Variants in SLC4A4 observed in about 807,000 individuals in gnomAD.
SLC4A4 encodes the protein solute carrier family 4 member 4.
SLC4A4 carries 27 observed loss-of-function variants against 111.5 expected under a neutral mutation model. The ratio of observed to expected loss-of-function variants is 0.24; its 90% CI spans 0.18 to 0.33. The LOEUF (loss-of-function observed/expected upper bound fraction) is 0.33. Ranked by LOEUF, SLC4A4 falls within the 10% of genes least tolerant of loss-of-function variation. SLC4A4 has a pLI of 1.00. For synonymous variants in SLC4A4, 443 were observed against 463.4 expected (o/e 0.96, Z 0.57); for missense variants, 909 against 1,315.5 (o/e 0.69, Z 4.78).
intron 16 of SLC4A4, among the ~76,000 whole-genome samples, chr4:71,516,093 T>C (rs1732362640): frequency 1.2e-5 from 1 of 81,680 alleles, no homozygotes; most frequent in Non-Finnish European, 2.5e-5. Context: ...TTTTTTTTTT[T>C]TTTTTTTTTT....
intron 18 of SLC4A4, among the ~76,000 whole-genome samples, chr4:71,536,160 T>C (rs1265686718): frequency 6.6e-6 from 1 of 151,900 alleles, no homozygotes. Flanking sequence ...AAGTGGAAGA[T>C]GCTAGGCCAT....
chr4:71,567,082 AG>A lies in SLC4A4; in HGVS notation c.*36+1del, dbSNP rs779812350. 1 of 1,606,516 alleles carries A rather than the reference AG, an allele frequency of 6.2e-7. No individual in the cohort carries two copies. The highest frequency in any genetic ancestry group is 8.5e-7 in the Non-Finnish European group (1 of 1,175,050). On this transcript the variant is annotated splice_region_variant and 3_prime_UTR_variant, in exon 25 of 26. Transcript: ENST00000264485. ...TTTCCTTCAGTCACTCGGTATGCCA[AG>A]GTAAAGGAGAGCCCAGTATTTTATG...
chr4:71,244,952 A>G (rs377041781), intron 2 of SLC4A4, among the ~76,000 whole-genome samples: 2 of 152,300 alleles, frequency 1.3e-5, no homozygotes, highest in South Asian at 2.1e-4. Flanking sequence ...GTTAGTTGAC[A>G]TGGTAATTTT....
At chr4:71,337,465 A>G (rs923491467) in intron 3 of SLC4A4, among the ~76,000 whole-genome samples, 1 of 152,124 alleles carries the variant, frequency 6.6e-6, no homozygotes, top group African/African-American at 2.4e-5. Flanking sequence ...TTCATTGTGT[A>G]GTTGTACCAT....
intron 1 of SLC4A4, among the ~76,000 whole-genome samples, chr4:71,224,722 A>T (rs1718949547): frequency 6.6e-6 from 1 of 152,184 alleles, no homozygotes; most frequent in African/African-American, 2.4e-5. Flanking sequence ...GGAAAGAGGT[A>T]AGTGATGTAA....
intron 1 of SLC4A4, among the ~76,000 whole-genome samples, chr4:71,233,056 T>G (rs1317191870): frequency 2.6e-5 from 4 of 152,262 alleles, no homozygotes; most frequent in Non-Finnish European, 2.9e-5. Flanking sequence ...CTGTCATCCT[T>G]ATCTATGTCT....
intron 18 of SLC4A4, among the ~76,000 whole-genome samples, chr4:71,538,700 C>T (rs574518963): frequency 1.7e-4 from 26 of 152,140 alleles, no homozygotes; most frequent in Non-Finnish European, 2.8e-4. Flanking sequence ...CTTTGGCTTC[C>T]GGTCAAGTGG....
At chr4:71,107,343 T>G (rs1243638518) in intron 2 of SLC4A4, among the ~76,000 whole-genome samples, 2 of 152,092 alleles carry the variant, frequency 1.3e-5, no homozygotes, top group African/African-American at 4.8e-5. Flanking sequence ...TTTAGTTGAC[T>G]TTTTGTTTTT....
At chr4:71,546,329 T>A (rs780042688) in intron 18 of SLC4A4, 21 bp from the exon 19 acceptor site, 6 of 1,606,798 alleles carry the variant, frequency 3.7e-6, no homozygotes, top group Middle Eastern at 1.7e-4. Context: ...CTTCACATGG[T>A]TTTGTTATCT....
chr4:71,135,945 A>G (rs546861937), intron 2 of SLC4A4, among the ~76,000 whole-genome samples: 1 of 152,306 alleles, frequency 6.6e-6, no homozygotes, highest in East Asian at 1.9e-4. Context: ...TTTGGACTTT[A>G]CTGAAGCCCT....
chr4:71,422,236 G>T (rs1338211959), intron 7 of SLC4A4, among the ~76,000 whole-genome samples: 9 of 143,220 alleles, frequency 6.3e-5, no homozygotes, highest in South Asian at 4.9e-4. Context: ...AGAAAATCTA[G>T]AAGAAATGGA....
At chr4:71,536,457 C>CATATATATATATAT (rs1238920856) in intron 18 of SLC4A4, among the ~76,000 whole-genome samples, 1,374 of 30,934 alleles carry the variant, frequency 0.044, 159 homozygotes, top group Non-Finnish European at 0.062. Context: ...TACATATATA[C>CATATATATATATAT]ATATATACAT....
At position 71,249,017 on chromosome 4, in the gene SLC4A4, A is replaced by T. The variant is rs546434143; in HGVS notation, c.74-6203A>T. ...AGAGATTGTTATCACTATTATTATC[A>T]TCATCAAATATTAAATATTAATAGT... On this transcript the variant is annotated intron_variant, in intron 2 of 25. Transcript: ENST00000264485. Among the ~76,000 whole-genome samples, 10 of 152,296 alleles carry T rather than the reference A, an allele frequency of 6.6e-5. No individual in the cohort carries two copies. In the South Asian group the frequency reaches 2.1e-3, roughly 32 times the overall value.
intron 16 of SLC4A4, among the ~76,000 whole-genome samples, chr4:71,514,188 C>T (rs573283516): frequency 5.3e-5 from 8 of 152,138 alleles, no homozygotes; most frequent in African/African-American, 1.7e-4. Context: ...TATGTCCCCA[C>T]CCATGTCTCA....
intron 2 of SLC4A4, among the ~76,000 whole-genome samples, chr4:71,173,578 A>C (rs1286154389): frequency 1.3e-5 from 2 of 152,028 alleles, no homozygotes; most frequent in African/African-American, 4.8e-5. Context: ...ACAGGGTTTC[A>C]CCATGTTAGC....
chr4:71,357,180 T>A lies in SLC4A4; in HGVS notation c.723T>A (p.Pro241=), dbSNP rs367847282. 6.2e-7 allele frequency: 1 copy of A among 1,614,070 alleles called. No homozygotes were observed. Among genetic ancestry groups the A allele is most frequent in the Non-Finnish European group, 8.5e-7 (1 of 1,179,972 alleles). The change falls in exon 6 of 26, where the codon CCT becomes CCA. Residue 241 remains proline (P), a synonymous_variant. Coordinates refer to ENST00000264485, the MANE Select transcript of SLC4A4 (RefSeq NM_001098484.3). ...VSSASRMFTN[P]DNGSPAMTHR... is the part of the protein sequence containing the mutation. The stretch of plus-strand genomic sequence containing the variant: ...GTGCAAGTAGGATGTTTACCAACCC[T>A]GATAATGGTAATGCAGAGGCCAGCT...
At chr4:71,316,591 A>G (rs1302607359) in intron 3 of SLC4A4, among the ~76,000 whole-genome samples, 2 of 152,138 alleles carry the variant, frequency 1.3e-5, no homozygotes, top group African/African-American at 2.4e-5. Context: ...CATGTGCCAA[A>G]TGCGCAAGTT....
chr4:71,200,049 T>G (rs574571739), intron 1 of SLC4A4, among the ~76,000 whole-genome samples: 1 of 152,338 alleles, frequency 6.6e-6, no homozygotes, highest in African/African-American at 2.4e-5. Flanking sequence ...GAATAAATTC[T>G]TAGTTCTGTA....
chr4:71,237,131 G>T (rs531455140), intron 2 of SLC4A4, among the ~76,000 whole-genome samples: 1 of 152,316 alleles, frequency 6.6e-6, no homozygotes, highest in African/African-American at 2.4e-5. Flanking sequence ...AATCATGGAT[G>T]ACTGTCAGTT....
Sources: gnomAD v4.1 joint callset for allele counts (sites outside exome capture counted in the v4.1 genomes callset) on GRCh38, gnomAD v4.1.1 for gene constraint, MANE v1.5 for transcripts, NCBI Gene and HGNC (gene_info 2026-07-23, HGNC 2026-07-21) for gene names.